Variants in MFN2 observed in about 807,000 individuals in gnomAD.
MFN2 encodes mitofusin 2.
In MFN2, 43 loss-of-function variants were observed where a neutral mutation model predicts 87.5. The ratio of observed to expected loss-of-function variants is 0.49; its 90% CI spans 0.38 to 0.63. The LOEUF (loss-of-function observed/expected upper bound fraction) is 0.63. MFN2 is among the 30% of genes least tolerant of loss of function. The pLI, the probability that MFN2 is intolerant of heterozygous loss-of-function variation, is 0.00. For synonymous variants in MFN2, 337 were observed against 359.9 expected (o/e 0.94, Z 0.72); for missense variants, 743 against 972.8 (o/e 0.76, Z 3.14).
At chr1:11,996,382 A>T in intron 5 of MFN2, 64 bp downstream of exon 5, 2 of 1,602,082 alleles carry the variant, frequency 1.2e-6, no homozygotes, top group Non-Finnish European at 8.5e-7. Flanking sequence ...CCGTTGTGAC[A>T]CGGCTGACCT....
chr1:12,001,653 T>G (rs1486133554), intron 9 of MFN2, 99 bp downstream of exon 9: 1 of 1,601,308 alleles, frequency 6.2e-7, no homozygotes, highest in Admixed American at 1.7e-5. Context: ...GAGAAGGGGA[T>G]GCTGAGAAGA....
Position 12,004,514 on chromosome 1 carries a change from G to T in MFN2, c.1293G>T (p.Ser431=), listed in dbSNP as rs751915674. 3.7e-6 allele frequency: 6 copies of T among 1,613,840 alleles called. No homozygotes were observed. In the Admixed American group the frequency reaches 8.3e-5, roughly 22 times the overall value. ...TGTGCTTCCTTTTGCTGTAGGTGTC[G>T]ACTGCAATGGCCGAGGAGATCAGGC... The part of the protein sequence containing the change: ...QITEEVERQV[S]TAMAEEIRRL... Residue 431 remains serine, a synonymous_variant, in exon 13 of 19, where the codon TCG becomes TCT. Transcript: ENST00000235329. The surrounding 1 kb of genome is among the most constrained non-coding windows in gnomAD (Gnocchi z 4.2).
At chr1:11,997,187 G>A (rs1273028051) in intron 5 of MFN2, 110 bp from the exon 6 acceptor site, 17 of 1,517,564 alleles carry the variant, frequency 1.1e-5, no homozygotes, top group South Asian at 3.4e-5. Context: ...AGAAGAAAGG[G>A]TAGCAGATGG....
At position 12,004,439 on chromosome 1, in the gene MFN2, C is replaced by T; in HGVS notation, c.1288-70C>T. 7.5e-7 allele frequency: 1 copy of T among 1,326,014 alleles called. No homozygotes were observed. Among genetic ancestry groups the T allele is most frequent in the Non-Finnish European group, 1.1e-6 (1 of 917,702 alleles). 82.1% of individuals were successfully genotyped at this position (1,326,014 alleles called of 1,614,324 possible). A position where few individuals can be genotyped will look rare whatever the true frequency, so the allele number is the denominator to read the frequency against. ...GGAAGGATGTGCCATCTGCTAGGAT[C>T]TCTCCTGGTGCTGCAGGAGTGAACT... On this transcript the variant is annotated intron_variant, in intron 12 of 18. Coordinates refer to ENST00000235329, the MANE Select transcript of MFN2 (RefSeq NM_014874.4). This position sits in a 1 kb window ranked among gnomAD's most constrained non-coding sequence, Gnocchi z 4.2.
rs569673983 is a variant in MFN2, at chr1:11,998,418, C to G, written c.600-352C>G. ...AAAAAATTAGCTGGGCATGGTGGTG[C>G]GTGCCTGTAGTGCCAGCTACTTGGG... On this transcript the variant is annotated intron_variant, in intron 6 of 18. Coordinates refer to ENST00000235329, the MANE Select transcript of MFN2 (RefSeq NM_014874.4). 5.9e-5 allele frequency among the ~76,000 whole-genome samples: 9 copies of G among 151,818 alleles called. No homozygotes were observed. In the East Asian group the frequency reaches 1.4e-3, roughly 23 times the overall value.
chr1:11,984,064 T>C (rs1272061988), intron 2 of MFN2, among the ~76,000 whole-genome samples: 1 of 152,196 alleles, frequency 6.6e-6, no homozygotes, highest in Non-Finnish European at 1.5e-5. Context: ...CCAGCAGACC[T>C]TGTAACCTGG....
At position 11,983,217 on chromosome 1, in the gene MFN2, G is replaced by A. The variant is rs12047633; in HGVS notation, c.-5+1103G>A. Among the ~76,000 whole-genome samples the A allele has an allele frequency of 1.3e-3, 200 of 152,212 alleles. 5 individuals carry two copies. In the East Asian group the frequency reaches 0.038, roughly 29 times the overall value. ...CCTCCCGAGTAGCTGTACTACAGGT[G>A]CATGCTGCCATGCCTGGCTAATTTT... On this transcript the variant is annotated intron_variant, in intron 2 of 18. Coordinates refer to ENST00000235329, the MANE Select transcript of MFN2 (RefSeq NM_014874.4).
rs760721051 is a variant in MFN2 at position 11,996,277 on chromosome 1, T to C, written c.433T>C (p.Phe145Leu). 6.2e-7 allele frequency: 1 copy of C among 1,614,142 alleles called. No individual in the cohort carries two copies. The highest frequency in any genetic ancestry group is 8.5e-7 in the Non-Finnish European group (1 of 1,180,006). ...AGAGGGCACAGATGGCCATGAGGCCTTTCTCCTTACCGAGGGCTCAGAGGA... is the reference window on the plus strand; with the variant it reads ...AGAGGGCACAGATGGCCATGAGGCCCTTCTCCTTACCGAGGGCTCAGAGGA... ...RVEGTDGHEA[F>L]LLTEGSEEKR... The change falls in exon 5 of 19, where the codon TTT (phenylalanine) becomes CTT (leucine). Residue 145 changes from phenylalanine (F) to leucine (L), a missense_variant. Physicochemically the swap from Phe to Leu is conservative, Grantham distance 22 (BLOSUM62 0). Coordinates refer to ENST00000235329, the MANE Select transcript of MFN2 (RefSeq NM_014874.4).
chr1:12,001,376 C>T, intron 8 of MFN2, 25 bp from the exon 9 acceptor site: 3 of 1,612,520 alleles, frequency 1.9e-6, no homozygotes, highest in Non-Finnish European at 2.5e-6. Context: ...TACACTCACT[C>T]TGGACACATT....
Position 12,012,899 on chromosome 1 carries a change from C to A in MFN2, c.*1334C>A. ...AGCAACACCTCTCCCAAAAAGCAGC[C>A]CACAAGGCAGGGGCCCAGCAGCCCA... On this transcript the variant is annotated 3_prime_UTR_variant, in exon 19 of 19. Transcript: ENST00000235329. The A allele has an allele frequency of 6.5e-6, 1 of 154,044 alleles. No individual in the cohort carries two copies. Among genetic ancestry groups the A allele is most frequent in the South Asian group, 2.0e-4 (1 of 5,092 alleles). The allele number at this position is 154,044 out of a possible 1,614,324, so 9.5% of individuals were successfully genotyped here.
chr1:11,989,487 T>C, intron 3 of MFN2, 144 bp downstream of exon 3: 3 of 970,812 alleles, frequency 3.1e-6, no homozygotes, highest in Non-Finnish European at 4.5e-6. Flanking sequence ...TGAAATCATG[T>C]GGAATTGGAG....
chr1:12,000,238 G>C (rs1036752242), intron 8 of MFN2, among the ~76,000 whole-genome samples: 4 of 152,014 alleles, frequency 2.6e-5, no homozygotes, highest in Non-Finnish European at 5.9e-5. Flanking sequence ...TGTCACCCAG[G>C]CTGGAGTGCA....
At position 12,012,856 on chromosome 1, in the gene MFN2, G is replaced by A. The variant is rs923532171; in HGVS notation, c.*1291G>A. 6.5e-6 allele frequency: 1 copy of A among 153,398 alleles called. No homozygotes were observed. Among genetic ancestry groups the A allele is most frequent in the Non-Finnish European group, 1.5e-5 (1 of 68,894 alleles). The allele number at this position is 153,398 out of a possible 1,614,324, so 9.5% of individuals were successfully genotyped here. ...GACAAATCCTGTGTGGCACAAGTTG[G>A]ATCGCTTCCTAGAAATAAGCAACAC... On this transcript the variant is annotated 3_prime_UTR_variant, in exon 19 of 19. Transcript: ENST00000235329.
At chr1:11,992,258 T>TA in intron 3 of MFN2, 1 of 443,904 alleles carries the variant, frequency 2.3e-6, no homozygotes, top group Non-Finnish European at 4.2e-6. Context: ...ATAATGTAGT[T>TA]ATCTCCGTTT....
chr1:12,009,534 C>T, intron 17 of MFN2, 58 bp from the exon 18 acceptor site: 1 of 1,612,876 alleles, frequency 6.2e-7, no homozygotes, highest in Non-Finnish European at 8.5e-7. Flanking sequence ...GTGGGCTAAG[C>T]CACCAGTGGC....
chr1:11,991,167 G>T (rs1638657157), intron 3 of MFN2, among the ~76,000 whole-genome samples: 1 of 152,200 alleles, frequency 6.6e-6, no homozygotes, highest in African/African-American at 2.4e-5. Flanking sequence ...TAAGGGCACT[G>T]GGAAAAAGCA....
chr1:11,981,622 A>G (rs1645985827), intron 1 of MFN2, among the ~76,000 whole-genome samples: 2 of 152,214 alleles, frequency 1.3e-5, no homozygotes, highest in South Asian at 4.1e-4. Flanking sequence ...CTGTTCCTCA[A>G]TAGTCAGCTG....
Position 11,988,619 on chromosome 1 carries a change from C to T in MFN2, c.-4-546C>T, listed in dbSNP as rs142936936. ...TGGACTGATCATAGGTCACTGCAGCCGAAACTCCTGGGCTCAAGTGACCCT... is the reference window on the plus strand; with the variant it reads ...TGGACTGATCATAGGTCACTGCAGCTGAAACTCCTGGGCTCAAGTGACCCT... On this transcript the variant is annotated intron_variant, in intron 2 of 18. Transcript: ENST00000235329. Among the ~76,000 whole-genome samples, 120 of 152,044 alleles carry T rather than the reference C, an allele frequency of 7.9e-4. 4 individuals are homozygous for T. In the East Asian group the frequency reaches 0.018, roughly 23 times the overall value.
At chr1:11,991,620 A>C (rs1638679008) in intron 3 of MFN2, among the ~76,000 whole-genome samples, 1 of 152,102 alleles carries the variant, frequency 6.6e-6, no homozygotes, top group Admixed American at 6.6e-5. Context: ...CAGGGCAGGG[A>C]GGGCCTCAAG....
Sources: gnomAD v4.1 joint callset for allele counts (sites outside exome capture counted in the v4.1 genomes callset) on GRCh38, gnomAD v4.1.1 for gene constraint, Gnocchi (gnomAD v3.1) non-coding constraint, MANE v1.5 for transcripts, NCBI Gene and HGNC (gene_info 2026-07-23, HGNC 2026-07-21) for gene names.